The following PIP5K1C variants were observed in gnomAD, a reference collection of about 807,000 sequenced individuals.
The protein encoded by PIP5K1C is phosphatidylinositol 4-phosphate 5-kinase type-1 gamma.
Under a neutral mutation model 80.1 loss-of-function variants are expected in PIP5K1C, and 45 were observed. The ratio of observed to expected loss-of-function variants is 0.56; its 90% CI spans 0.44 to 0.72. The LOEUF (loss-of-function observed/expected upper bound fraction) is 0.72, where lower values mean the gene tolerates loss of function less well. PIP5K1C is among the 30% of genes least tolerant of loss of function. PIP5K1C has a pLI of 0.00. For synonymous variants in PIP5K1C, 498 were observed against 420.1 expected, an observed-to-expected ratio of 1.19 and a Z score of -2.27; for missense variants, 753 against 954.6, an observed-to-expected ratio of 0.79 and a Z score of 2.78.
chr19:3,677,510 G>A (rs2035397403), intron 1 of PIP5K1C, among the ~76,000 whole-genome samples: 2 of 151,052 alleles, frequency 1.3e-5, no homozygotes, highest in African/African-American at 4.9e-5. Flanking sequence ...TTAAACCTGG[G>A]AGGCGGAGGT....
At position 3,642,925 on chromosome 19, in the gene PIP5K1C, G is replaced by C; in HGVS notation, c.1664C>G (p.Ser555Trp). ...GTCTCACCTGCCATCCTGTCCAGAC[G>C]ACTGTGTGCGCCGCCTGCAGAGATA... ...EQPRYRRRTQ[S>W]SGQDGRPQEE... is the part of the protein sequence containing the mutation. The change falls in exon 14 of 18, where the codon TCG (serine) becomes TGG (tryptophan). Residue 555 changes from serine (S) to tryptophan (W), a missense_variant. This residue lies in a region of PIP5K1C where 315 missense variants were observed against 294.5 expected (regional missense o/e 1.07). Transcript: ENST00000335312. The C allele has an allele frequency of 6.2e-7, 1 of 1,613,508 alleles. No individual in the cohort carries two copies. Among genetic ancestry groups the C allele is most frequent in the Non-Finnish European group, 8.5e-7 (1 of 1,179,838 alleles).
intron 1 of PIP5K1C, among the ~76,000 whole-genome samples, chr19:3,699,209 C>CCAGGA (rs1428845753): frequency 2.0e-5 from 3 of 151,860 alleles, no homozygotes; most frequent in African/African-American, 7.3e-5. Context: ...GCTGGCCAGG[C>CCAGGA]CAGGACACCG....
chr19:3,665,614 G>A (rs1375019775), intron 2 of PIP5K1C, among the ~76,000 whole-genome samples: 2 of 152,096 alleles, frequency 1.3e-5, no homozygotes, highest in Non-Finnish European at 2.9e-5. Context: ...CTAACTGTGA[G>A]ACCGCTGGGA....
intron 3 of PIP5K1C, 61 bp from the exon 4 acceptor site, chr19:3,662,062 G>GCAGGGCACGC: frequency 6.5e-7 from 1 of 1,530,402 alleles, no homozygotes; most frequent in African/African-American, 1.4e-5. Context: ...TGCACCCCCT[G>GCAGGGCACGC]TGTGCACCGG....
At chr19:3,667,933 AGCTGC>A (rs2035067779) in intron 1 of PIP5K1C, among the ~76,000 whole-genome samples, 1 of 152,166 alleles carries the variant, frequency 6.6e-6, no homozygotes, top group Admixed American at 6.5e-5. Context: ...GCACCTGGGC[AGCTGC>A]GGTCAGTGGG....
chr19:3,672,261 G>C (rs990841124), intron 1 of PIP5K1C, among the ~76,000 whole-genome samples: 4 of 152,240 alleles, frequency 2.6e-5, no homozygotes, highest in African/African-American at 9.6e-5. Context: ...GCACCCAGCT[G>C]TTCCCTGGCC....
chr19:3,693,488 G>A (rs999807719), intron 1 of PIP5K1C, among the ~76,000 whole-genome samples: 8 of 152,198 alleles, frequency 5.3e-5, no homozygotes, highest in Non-Finnish European at 7.4e-5. Flanking sequence ...CACGGGCCCC[G>A]TCCAGCTGGC....
Position 3,661,110 on chromosome 19 carries a change from T to C in PIP5K1C, c.351-27A>G, listed in dbSNP as rs777847181. 4 of 1,522,052 alleles carry C rather than the reference T, an allele frequency of 2.6e-6. No homozygotes were observed. The South Asian group carries it at 3.4e-5, about 13-fold the overall frequency. 94.3% of individuals were successfully genotyped at this position (1,522,052 alleles called of 1,614,324 possible). ...TGTGGAGGAAGGACGGGAGGAAACCTGTGAGGGGTGGTGGGCACCTCTCCC... is the reference window on the plus strand; with the variant it reads ...TGTGGAGGAAGGACGGGAGGAAACCCGTGAGGGGTGGTGGGCACCTCTCCC... On this transcript the variant is annotated intron_variant, in intron 4 of 17. Coordinates refer to ENST00000335312, the MANE Select transcript of PIP5K1C (RefSeq NM_012398.3).
chr19:3,632,840 T>C lies in PIP5K1C; in HGVS notation c.*327A>G, dbSNP rs2033507085. On this transcript the variant is annotated 3_prime_UTR_variant, in exon 18 of 18. Coordinates refer to ENST00000335312, the MANE Select transcript of PIP5K1C (RefSeq NM_012398.3). Reference sequence around the variant, plus strand: ...CAGTGGGCAGGGGCTCTTCTCCCTCTGGTTGGTTTGTTTGTGTCTTTTTTG... The same window carrying C: ...CAGTGGGCAGGGGCTCTTCTCCCTCCGGTTGGTTTGTTTGTGTCTTTTTTG... The C allele has an allele frequency of 8.2e-6, 3 of 366,544 alleles. No homozygotes were observed. The highest frequency in any genetic ancestry group is 1.5e-5 in the Non-Finnish European group (3 of 203,402). The allele number at this position is 366,544 out of a possible 1,614,324, so 22.7% of individuals were successfully genotyped here.
In PIP5K1C at chr19:3,637,402, G is replaced by T; in HGVS notation, c.1920+1482C>A. On this transcript the variant is annotated intron_variant, in intron 16 of 17. Coordinates refer to ENST00000335312, the MANE Select transcript of PIP5K1C (RefSeq NM_012398.3). The surrounding 1 kb of genome is among the most constrained non-coding windows in gnomAD (Gnocchi z 7.0). ...GCCAGCGTGGCTGACCTCAATTGCA[G>T]CCGTGATTTACCCAAAGCCCTTCTG... 1 of 1,535,538 alleles carries T rather than the reference G, an allele frequency of 6.5e-7. No homozygotes were observed. Among genetic ancestry groups the T allele is most frequent in the South Asian group, 1.2e-5 (1 of 84,062 alleles).
At chr19:3,672,977 G>A (rs2035258737) in intron 1 of PIP5K1C, among the ~76,000 whole-genome samples, 1 of 141,588 alleles carries the variant, frequency 7.1e-6, no homozygotes, top group Non-Finnish European at 1.6e-5. Context: ...CTGGGGGGCC[G>A]GGGAGAGCCC....
Position 3,643,226 on chromosome 19 carries a change from G to T in PIP5K1C, c.1649+17C>A, listed in dbSNP as rs748687530. 13 of 1,612,210 alleles carry T rather than the reference G, an allele frequency of 8.1e-6. No homozygotes were observed. Among genetic ancestry groups the T allele is most frequent in the Middle Eastern group, 3.3e-4 (2 of 6,082 alleles). ...AGCGGATGCCCCGCCCACATGCACT[G>T]CGGATGCCTCGCCCACCTGTACCGC... On this transcript the variant is annotated intron_variant, in intron 13 of 17. Coordinates refer to ENST00000335312, the MANE Select transcript of PIP5K1C (RefSeq NM_012398.3).
At chr19:3,638,111 A>C in intron 16 of PIP5K1C, 8 of 1,376,548 alleles carry the variant, frequency 5.8e-6, no homozygotes, top group Non-Finnish European at 7.6e-6. Flanking sequence ...CAGGGGGTGC[A>C]GGGTGAGAAC....
chr19:3,660,523 A>G (rs1349032153), intron 5 of PIP5K1C, among the ~76,000 whole-genome samples: 1 of 152,174 alleles, frequency 6.6e-6, no homozygotes, highest in African/African-American at 2.4e-5. Flanking sequence ...TGCTAACCTG[A>G]AACAATAAAG....
chr19:3,687,948 G>A (rs563159786), intron 1 of PIP5K1C, among the ~76,000 whole-genome samples: 1 of 152,322 alleles, frequency 6.6e-6, no homozygotes, highest in Non-Finnish European at 1.5e-5. Flanking sequence ...CCAATGTCCA[G>A]GGAGAAAGAG....
In PIP5K1C at chr19:3,653,320, G is replaced by A. The variant is rs368956784; in HGVS notation, c.891C>T (p.Ala297=). Residue 297 remains alanine (A), a synonymous_variant, in exon 7 of 18, where the codon GCC becomes GCT. Coordinates refer to ENST00000335312, the MANE Select transcript of PIP5K1C (RefSeq NM_012398.3). ...AGTCCCGCTGCAGCGTCTTGACCAG[G>A]GCGCTGAAGGTGTCGGCGTCCAGCA... The part of the protein sequence containing the change: ...GLLLDADTFS[A]LVKTLQRDCL... 13 of 1,610,128 alleles carry A rather than the reference G, an allele frequency of 8.1e-6. No individual in the cohort carries two copies. In the African/African-American group the frequency reaches 1.6e-4, roughly 20 times the overall value.
chr19:3,684,046 G>C (rs1217022259), intron 1 of PIP5K1C, among the ~76,000 whole-genome samples: 1 of 147,586 alleles, frequency 6.8e-6, no homozygotes, highest in Non-Finnish European at 1.5e-5. Flanking sequence ...CCGGCCCCCA[G>C]CACAGGAGAG....
At chr19:3,682,666 G>A (rs1407552742) in intron 1 of PIP5K1C, among the ~76,000 whole-genome samples, 2 of 152,044 alleles carry the variant, frequency 1.3e-5, no homozygotes, top group African/African-American at 2.4e-5. Context: ...TTCAGCCTGG[G>A]TGACAGAGCA....
At chr19:3,634,597 A>G (rs781694274) in intron 16 of PIP5K1C, among the ~76,000 whole-genome samples, 2 of 152,196 alleles carry the variant, frequency 1.3e-5, no homozygotes, top group African/African-American at 2.4e-5. Flanking sequence ...TCGTCCTTCC[A>G]GTCAGGATGA....
Sources: gnomAD v4.1 joint callset for allele counts (sites outside exome capture counted in the v4.1 genomes callset) on GRCh38, gnomAD v4.1.1 for gene constraint, gnomAD v4.1.1 regional missense constraint, Gnocchi (gnomAD v3.1) non-coding constraint, MANE v1.5 for transcripts, NCBI Gene and HGNC (gene_info 2026-07-23, HGNC 2026-07-21) for gene names.